Variants in ACACA observed in about 807,000 individuals in gnomAD.
The protein encoded by ACACA is acetyl-CoA carboxylase 1.
Under a neutral mutation model 296.1 loss-of-function variants are expected in ACACA, and 103 were observed. That is an observed-to-expected ratio of 0.35 (90% CI 0.30 to 0.41). The LOEUF is 0.41. Ranked by LOEUF, ACACA falls within the 10% of genes least tolerant of loss-of-function variation. The pLI is 1.00. For synonymous variants in ACACA, 953 were observed against 1,038.6 expected, an observed-to-expected ratio of 0.92 and a Z score of 1.58; for missense variants, 1,554 against 2,989.7, an observed-to-expected ratio of 0.52 and a Z score of 11.20.
chr17:37,161,835 T>C lies in ACACA; in HGVS notation c.5295A>G (p.Glu1765=), dbSNP rs753591521. The stretch of plus-strand genomic sequence containing the variant: ...CCACATGAAACATATGGCGAATTTC[T>C]TCTGCCAGTCCGATTCTTGCTCCAC... The part of the protein sequence containing the change: ...ANSGARIGLA[E]EIRHMFHVAW... Residue 1765 remains glutamate, a synonymous_variant, in exon 42 of 56, where the codon GAA becomes GAG. Coordinates refer to ENST00000616317, the MANE Select transcript of ACACA (RefSeq NM_198834.3). 1 of 1,614,068 alleles carries C rather than the reference T, an allele frequency of 6.2e-7. No individual in the cohort carries two copies. Among genetic ancestry groups the C allele is most frequent in the Admixed American group, 1.7e-5 (1 of 60,024 alleles).
intron 1 of ACACA, among the ~76,000 whole-genome samples, chr17:37,343,851 TTAATTC>T (rs1370739715): frequency 2.6e-5 from 4 of 152,060 alleles, no homozygotes; most frequent in Non-Finnish European, 4.4e-5. Flanking sequence ...ATTTTGGTTA[TTAATTC>T]AGTGATTCAT....
At chr17:37,326,948 A>C (rs2047651912) in intron 3 of ACACA, among the ~76,000 whole-genome samples, 1 of 152,198 alleles carries the variant, frequency 6.6e-6, no homozygotes, top group Non-Finnish European at 1.5e-5. Flanking sequence ...ATTTGGGCTC[A>C]TCCATCATAC....
intron 1 of ACACA, chr17:37,389,412 AG>A (rs1391346469): frequency 3.6e-5 from 56 of 1,547,290 alleles, no homozygotes; most frequent in Non-Finnish European, 4.8e-5. Context: ...AAGGTGGGGT[AG>A]GGGCCGGGCG....
intron 3 of ACACA, among the ~76,000 whole-genome samples, chr17:37,325,213 A>T (rs986005844): frequency 7.2e-5 from 11 of 151,906 alleles, no homozygotes; most frequent in Non-Finnish European, 1.0e-4. Flanking sequence ...AAAAAAAAAA[A>T]AAATTAGTGC....
chr17:37,259,563 C>G (rs1181175935), intron 11 of ACACA, 33 bp from the exon 12 acceptor site: 1 of 1,613,112 alleles, frequency 6.2e-7, no homozygotes, highest in Non-Finnish European at 8.5e-7. Flanking sequence ...ACATAAGTAT[C>G]TCACCTTATC....
intron 25 of ACACA, among the ~76,000 whole-genome samples, chr17:37,228,745 T>A (rs935461648): frequency 6.6e-6 from 1 of 152,114 alleles, no homozygotes; most frequent in African/African-American, 2.4e-5. Context: ...CCCACCAAAA[T>A]GCCTAAAAAC....
intron 41 of ACACA, among the ~76,000 whole-genome samples, chr17:37,166,796 C>T (rs1051125443): frequency 6.6e-6 from 1 of 152,134 alleles, no homozygotes; most frequent in African/African-American, 2.4e-5. Context: ...TTGTTGTGAG[C>T]AACACCATGT....
chr17:37,169,377 A>T (rs2076801606), intron 41 of ACACA, among the ~76,000 whole-genome samples: 1 of 152,234 alleles, frequency 6.6e-6, no homozygotes, highest in African/African-American at 2.4e-5. Context: ...TTTCTGTCTG[A>T]TGATGAAAAC....
chr17:37,330,370 A>C lies in ACACA; in HGVS notation c.141T>G (p.Pro47=). The C allele has an allele frequency of 6.2e-7, 1 of 1,614,238 alleles. No homozygotes were observed. The highest frequency in any genetic ancestry group is 2.2e-5 in the East Asian group (1 of 44,886). The change falls in exon 3 of 56, where the codon CCT becomes CCG. Residue 47 remains proline (P), a synonymous_variant. Coordinates refer to ENST00000616317, the MANE Select transcript of ACACA (RefSeq NM_198834.3). ...IMDEPSPLAQ[P]LELNQHSRFI... ...ATCGAGAGTGCTGGTTCAGCTCCAG[A>C]GGTTGGGCCAAGGGAGATGGTTCAT...
intron 8 of ACACA, 76 bp from the exon 9 acceptor site, chr17:37,274,375 A>G: frequency 7.4e-7 from 1 of 1,345,934 alleles, no homozygotes; most frequent in African/African-American, 1.4e-5. Flanking sequence ...GCATTCTTTG[A>G]AATGCTATCA....
intron 1 of ACACA, among the ~76,000 whole-genome samples, chr17:37,384,902 A>C (rs1425857305): frequency 1.3e-5 from 2 of 152,226 alleles, no homozygotes; most frequent in African/African-American, 4.8e-5. Context: ...AAAGTCAAGT[A>C]GAATTTATAG....
chr17:37,210,039 C>T (rs1157576799), intron 30 of ACACA, among the ~76,000 whole-genome samples: 3 of 152,182 alleles, frequency 2.0e-5, no homozygotes, highest in Non-Finnish European at 4.4e-5. Flanking sequence ...TCTGGATCTG[C>T]ACTCCTCTAA....
intron 39 of ACACA, among the ~76,000 whole-genome samples, chr17:37,187,952 G>C (rs2077600874): frequency 6.6e-6 from 1 of 152,122 alleles, no homozygotes; most frequent in Non-Finnish European, 1.5e-5. Context: ...CCAGAGATTA[G>C]ATTGCTGAAA....
chr17:37,260,263 TATATATATATATATATATATATATATA>T (rs2081394906), intron 11 of ACACA, among the ~76,000 whole-genome samples: 1 of 16,904 alleles, frequency 5.9e-5, no homozygotes, highest in South Asian at 2.1e-3. Flanking sequence ...TATATATATA[TATATATATATATATATATATATATATA>T]TATATATTTT....
chr17:37,359,839 A>G (rs969610866), intron 1 of ACACA, among the ~76,000 whole-genome samples: 8 of 152,058 alleles, frequency 5.3e-5, no homozygotes, highest in Admixed American at 1.3e-4. Flanking sequence ...CAGCCCCGAG[A>G]CAGCCCACTC....
Position 37,121,364 on chromosome 17 carries a change from C to T in ACACA, c.6265G>A (p.Gly2089Arg). ...CAGGCAGCCCAGTCACCTTTCATTC[C>T]ACCAGAGAAGCCTCTCCAGTTGGCA... Reference protein sequence around the residue: ...VFANWRGFSGGMKDMYDQVLK... With the variant: ...VFANWRGFSGRMKDMYDQVLK... The change falls in exon 50 of 56, where the codon GGA becomes AGA. Residue 2089 changes from glycine (G) to arginine (R), a missense_variant. By Grantham distance (125) the Gly-to-Arg change is moderately radical (BLOSUM62 -2). Transcript: ENST00000616317. The T allele has an allele frequency of 6.2e-7, 1 of 1,614,102 alleles. No individual in the cohort carries two copies. The highest frequency in any genetic ancestry group is 8.5e-7 in the Non-Finnish European group (1 of 1,180,000).
chr17:37,390,276 AT>A (rs1165818381), intron 1 of ACACA, among the ~76,000 whole-genome samples: 3 of 60,662 alleles, frequency 4.9e-5, no homozygotes, highest in East Asian at 5.1e-4. Flanking sequence ...TATATAATAT[AT>A]TATATATAAT....
intron 1 of ACACA, among the ~76,000 whole-genome samples, chr17:37,399,411 C>A (rs1037512781): frequency 6.6e-5 from 10 of 152,144 alleles, no homozygotes; most frequent in Non-Finnish European, 1.5e-5. Flanking sequence ...TTATTGGGCA[C>A]CTGTTGGTTG....
intron 45 of ACACA, among the ~76,000 whole-genome samples, chr17:37,138,964 C>T (rs966523497): frequency 4.6e-5 from 7 of 151,544 alleles, no homozygotes; most frequent in Non-Finnish European, 8.8e-5. Context: ...TGGAGGAGTA[C>T]GGGAATTTTT....
Sources: allele counts gnomAD v4.1 joint callset (sites outside exome capture counted in the v4.1 genomes callset), GRCh38; gene constraint gnomAD v4.1.1; transcripts MANE v1.5; gene names NCBI Gene and HGNC (gene_info 2026-07-23, HGNC 2026-07-21).